The following PAK1 variants were observed in gnomAD, a reference collection of about 807,000 sequenced individuals.
PAK1 encodes p21 (RAC1) activated kinase 1.
PAK1 carries 29 observed loss-of-function variants against 67.4 expected under a neutral mutation model. The observed-to-expected ratio is 0.43, with a 90% CI of 0.32 to 0.59. PAK1 has a LOEUF of 0.59. Ranked by LOEUF, PAK1 falls within the 20% of genes least tolerant of loss-of-function variation. The pLI, the probability that PAK1 is intolerant of heterozygous loss-of-function variation, is 0.07. For missense variants in PAK1, 337 were observed against 670.7 expected (o/e 0.50, Z 5.50); for synonymous variants, 223 against 237.4 (o/e 0.94, Z 0.56).
chr11:77,370,741 T>C (rs2136905772), intron 5 of PAK1, among the ~76,000 whole-genome samples: 1 of 152,358 alleles, frequency 6.6e-6, no homozygotes, highest in South Asian at 2.1e-4. Context: ...TTTTCTGAAA[T>C]TAAGAAATTT....
At chr11:77,523,647 T>TGACCTCGTGATCCTCCC in the PAK1 span, among the ~76,000 whole-genome samples, 3 of 152,186 alleles carry the variant, frequency 2.0e-5, no homozygotes, top group Non-Finnish European at 2.9e-5. Flanking sequence ...CTCAAACTCC[T>TGACCTCGTGATCCTCCC]GACCTCGTGA....
the PAK1 span, among the ~76,000 whole-genome samples, chr11:77,492,028 A>T: frequency 6.6e-5 from 10 of 152,248 alleles, no homozygotes; most frequent in Admixed American, 1.3e-4. Flanking sequence ...GTGTTGCAAC[A>T]AGGAGTGGGA....
Position 77,378,748 on chromosome 11 carries a change from C to T in PAK1, c.439+493G>A, listed in dbSNP as rs181403331. 3.9e-3 allele frequency among the ~76,000 whole-genome samples: 586 copies of T among 152,160 alleles called. 7 individuals carry two copies. Among genetic ancestry groups the T allele is most frequent in the African/African-American group, 0.013 (530 of 41,530 alleles). ...GACCACAGGGATGCACCACCACACC[C>T]GGCTAATTTTTGTATTTTTTGTAGA... On this transcript the variant is annotated intron_variant, in intron 4 of 14. Transcript: ENST00000356341.
At chr11:77,434,759 C>T (rs1956034555) in intron 1 of PAK1, among the ~76,000 whole-genome samples, 1 of 152,134 alleles carries the variant, frequency 6.6e-6, no homozygotes, top group African/African-American at 2.4e-5. Context: ...GCTGGGACTA[C>T]AGGCATGCAC....
At chr11:77,498,821 C>T in the PAK1 span, among the ~76,000 whole-genome samples, 3 of 150,084 alleles carry the variant, frequency 2.0e-5, no homozygotes, top group Admixed American at 2.0e-4. Context: ...CTGCCTCAGC[C>T]TCCTAAGTAG....
chr11:77,359,060 A>T, intron 5 of PAK1, 43 bp from the exon 6 acceptor site: 1 of 1,589,660 alleles, frequency 6.3e-7, no homozygotes, highest in Non-Finnish European at 8.6e-7. Flanking sequence ...TCCAGCTGCC[A>T]TGGAACTTAA....
intron 1 of PAK1, among the ~76,000 whole-genome samples, chr11:77,427,466 A>G (rs573369081): frequency 1.3e-5 from 2 of 152,346 alleles, no homozygotes. Flanking sequence ...GGCACAGGGC[A>G]GATATCTAGA....
chr11:77,422,487 G>A (rs915903422), intron 1 of PAK1, among the ~76,000 whole-genome samples: 9 of 151,638 alleles, frequency 5.9e-5, no homozygotes, highest in African/African-American at 1.9e-4. Flanking sequence ...CCCAGGAGGC[G>A]GAGGTTGCAG....
chr11:77,380,695 A>G (rs923169369), intron 2 of PAK1, among the ~76,000 whole-genome samples: 11 of 152,192 alleles, frequency 7.2e-5, no homozygotes, highest in African/African-American at 1.9e-4. Context: ...ATTGACTATT[A>G]TAAGTGTTTA....
At chr11:77,446,625 T>G (rs534611940) in intron 1 of PAK1, among the ~76,000 whole-genome samples, 4 of 152,080 alleles carry the variant, frequency 2.6e-5, no homozygotes, top group African/African-American at 9.7e-5. Flanking sequence ...TCCTCTCATG[T>G]ACTTTCATGG....
chr11:77,386,787 T>A (rs889781571), intron 2 of PAK1, among the ~76,000 whole-genome samples: 11 of 152,196 alleles, frequency 7.2e-5, no homozygotes, highest in African/African-American at 4.8e-5. Context: ...TAATTAATTA[T>A]TTTTGAGACA....
At chr11:77,512,404 T>G in the PAK1 span, among the ~76,000 whole-genome samples, 1 of 152,172 alleles carries the variant, frequency 6.6e-6, no homozygotes, top group South Asian at 2.1e-4. Context: ...ACCTGCAAAT[T>G]TGCAGACCAA....
intron 12 of PAK1, among the ~76,000 whole-genome samples, chr11:77,337,084 T>G (rs991680739): frequency 5.9e-5 from 9 of 151,326 alleles, no homozygotes; most frequent in Admixed American, 1.3e-4. Context: ...TCACAGGACC[T>G]AGCACAGAGT....
At chr11:77,340,859 C>T in intron 10 of PAK1, 96 bp from the exon 11 acceptor site, 3 of 766,890 alleles carry the variant, frequency 3.9e-6, no homozygotes, top group East Asian at 4.9e-5. Context: ...CAGAGTGAAA[C>T]TACGTCTTAG....
the PAK1 span, among the ~76,000 whole-genome samples, chr11:77,498,184 C>T: frequency 3.3e-5 from 5 of 152,174 alleles, no homozygotes; most frequent in African/African-American, 1.2e-4. Context: ...TAATTTCTTA[C>T]TTTAACAAAT....
At chr11:77,489,831 T>C in the PAK1 span, among the ~76,000 whole-genome samples, 2 of 152,058 alleles carry the variant, frequency 1.3e-5, no homozygotes, top group Non-Finnish European at 2.9e-5. Context: ...TGCCTTGGCC[T>C]CCCAAAGTGC....
chr11:77,427,306 T>C (rs1014174985), intron 1 of PAK1, among the ~76,000 whole-genome samples: 1 of 152,226 alleles, frequency 6.6e-6, no homozygotes, highest in Non-Finnish European at 1.5e-5. Context: ...ATGATGTCAC[T>C]GCTATTATTT....
chr11:77,332,589 G>A, intron 14 of PAK1, 141 bp downstream of exon 14: 1 of 672,534 alleles, frequency 1.5e-6, no homozygotes, highest in Non-Finnish European at 2.6e-6. Flanking sequence ...GGATAAAAGG[G>A]CAGTAGGAAC....
At chr11:77,337,265 C>A in intron 12 of PAK1, 59 bp downstream of exon 12, 1 of 824,116 alleles carries the variant, frequency 1.2e-6, no homozygotes, top group South Asian at 1.6e-5. Flanking sequence ...ATGACCATCT[C>A]ACAGGAGACA....
Sources: gnomAD v4.1 joint callset for allele counts (sites outside exome capture counted in the v4.1 genomes callset) on GRCh38, gnomAD v4.1.1 for gene constraint, MANE v1.5 for transcripts, NCBI Gene and HGNC (gene_info 2026-07-23, HGNC 2026-07-21) for gene names.